The following NAV3 variants were observed in gnomAD, a reference collection of about 807,000 sequenced individuals.
NAV3 encodes neuron navigator 3.
A neutral mutation model predicts 244.7 loss-of-function variants in NAV3; 87 were observed. The ratio of observed to expected loss-of-function variants is 0.36; its 90% CI spans 0.30 to 0.42. NAV3 has a LOEUF of 0.42. Ranked by LOEUF, NAV3 falls within the 20% of genes least tolerant of loss-of-function variation. The pLI, the probability that NAV3 is intolerant of heterozygous loss-of-function variation, is 1.00. For synonymous variants in NAV3, 1,126 were observed against 1,042.2 expected (o/e 1.08, Z -1.55); for missense variants, 2,663 against 2,893.3 (o/e 0.92, Z 1.83).
intron 2 of NAV3, among the ~76,000 whole-genome samples, chr12:77,626,265 A>T (rs1871616352): frequency 6.6e-6 from 1 of 151,966 alleles, no homozygotes; most frequent in African/African-American, 2.4e-5. Context: ...AAAAAAAGGT[A>T]AAAGAGTATG....
intron 4 of NAV3, among the ~76,000 whole-genome samples, chr12:77,967,305 A>C (rs543415507): frequency 2.0e-5 from 3 of 152,112 alleles, no homozygotes; most frequent in Non-Finnish European, 4.4e-5. Context: ...ATAAAACAAT[A>C]ATTTTTTAAA....
intron 11 of NAV3, among the ~76,000 whole-genome samples, chr12:78,056,866 A>C (rs921574298): frequency 6.6e-6 from 1 of 152,232 alleles, no homozygotes; most frequent in African/African-American, 2.4e-5. Flanking sequence ...GAAGATGTTT[A>C]ATTTAGGATT....
At chr12:77,771,788 G>A (rs1038084596) in intron 2 of NAV3, among the ~76,000 whole-genome samples, 1 of 152,078 alleles carries the variant, frequency 6.6e-6, no homozygotes, top group African/African-American at 2.4e-5. Flanking sequence ...GGGAGGGATA[G>A]CATTAGGAGA....
chr12:77,817,698 T>G (rs1872574678), intron 2 of NAV3, among the ~76,000 whole-genome samples: 1 of 152,180 alleles, frequency 6.6e-6, no homozygotes, highest in Non-Finnish European at 1.5e-5. Context: ...ATTATTTTTC[T>G]TGTTTATGTA....
chr12:77,759,056 G>A (rs1371179133), intron 2 of NAV3, among the ~76,000 whole-genome samples: 1 of 152,190 alleles, frequency 6.6e-6, no homozygotes, highest in Admixed American at 6.5e-5. Flanking sequence ...GTGGCTAGCA[G>A]CTGCCACATT....
chr12:78,188,162 C>G, intron 31 of NAV3, 86 bp from the exon 32 acceptor site: 1 of 1,003,452 alleles, frequency 1.0e-6, no homozygotes, highest in Non-Finnish European at 1.5e-6. Flanking sequence ...TTAACAACAA[C>G]TACATTAACT....
At chr12:77,796,745 T>C (rs1871424519) in intron 2 of NAV3, among the ~76,000 whole-genome samples, 3 of 152,174 alleles carry the variant, frequency 2.0e-5, no homozygotes, top group Non-Finnish European at 2.9e-5. Context: ...TCAGTGGCAG[T>C]CAATACTGAG....
chr12:78,007,977 C>T lies in NAV3; in HGVS notation c.1907+532C>T, dbSNP rs578067079. On this transcript the variant is annotated intron_variant, in intron 8 of 39. Coordinates refer to ENST00000397909, the MANE Select transcript of NAV3 (RefSeq NM_001024383.2). ...ACTTAACATTCTTTAGTCTCATTTT[C>T]TTCAGCTGTCAAATAGGAACCATGC... Among the ~76,000 whole-genome samples the T allele has an allele frequency of 2.6e-5, 4 of 152,256 alleles. No individual in the cohort carries two copies. In the East Asian group the frequency reaches 7.7e-4, roughly 29 times the overall value.
At chr12:77,926,725 A>G (rs938893024) in intron 1 of NAV3, among the ~76,000 whole-genome samples, 3 of 152,184 alleles carry the variant, frequency 2.0e-5, no homozygotes, top group South Asian at 2.1e-4. Flanking sequence ...CTCGGATTCA[A>G]TAGATCTAGG....
At chr12:78,162,306 G>A (rs902692060) in intron 23 of NAV3, among the ~76,000 whole-genome samples, 3 of 151,984 alleles carry the variant, frequency 2.0e-5, no homozygotes, top group Admixed American at 2.0e-4. Context: ...CAAGTTATAA[G>A]TTTCATTTGT....
intron 1 of NAV3, among the ~76,000 whole-genome samples, chr12:77,834,007 T>C (rs901322553): frequency 2.6e-5 from 4 of 151,868 alleles, no homozygotes; most frequent in Non-Finnish European, 4.4e-5. Context: ...GTCCAGCCGC[T>C]TGTGTGTTCT....
chr12:77,594,760 C>T (rs143690766), intron 2 of NAV3, among the ~76,000 whole-genome samples: 1 of 152,294 alleles, frequency 6.6e-6, no homozygotes, highest in East Asian at 1.9e-4. Context: ...CATTTTACTT[C>T]ATAGAATTTG....
chr12:78,047,791 C>T (rs1882081568), intron 9 of NAV3, among the ~76,000 whole-genome samples: 1 of 152,174 alleles, frequency 6.6e-6, no homozygotes. Flanking sequence ...GGATAATATC[C>T]TGAAGAGTGT....
At chr12:78,094,310 G>C (rs141719377) in intron 12 of NAV3, among the ~76,000 whole-genome samples, 60 of 152,276 alleles carry the variant, frequency 3.9e-4, no homozygotes, top group African/African-American at 1.3e-3. Flanking sequence ...TATACCAAAA[G>C]ACACCTAGAA....
chr12:77,607,165 A>G (rs1017860950), intron 2 of NAV3, among the ~76,000 whole-genome samples: 1 of 152,078 alleles, frequency 6.6e-6, no homozygotes, highest in Non-Finnish European at 1.5e-5. Context: ...ACTCTCACAC[A>G]TTTATGTAAG....
chr12:78,043,983 T>C (rs1881325426), intron 9 of NAV3, among the ~76,000 whole-genome samples: 1 of 152,220 alleles, frequency 6.6e-6, no homozygotes, highest in South Asian at 2.1e-4. Context: ...GCTTTTGGTG[T>C]TTTACTCATG....
chr12:78,175,246 C>G (rs1370064965), intron 24 of NAV3, 60 bp from the exon 25 acceptor site: 2 of 1,574,218 alleles, frequency 1.3e-6, no homozygotes, highest in Non-Finnish European at 1.7e-6. Context: ...ACCTAAAAGA[C>G]TTATTTGTTC....
At chr12:77,739,688 T>C (rs1031960927) in intron 2 of NAV3, among the ~76,000 whole-genome samples, 4 of 152,186 alleles carry the variant, frequency 2.6e-5, no homozygotes, top group Non-Finnish European at 5.9e-5. Flanking sequence ...TTTAAAATTT[T>C]ATGAAAATAA....
intron 1 of NAV3, among the ~76,000 whole-genome samples, chr12:77,938,131 A>G (rs761450033): frequency 5.3e-5 from 8 of 152,130 alleles, no homozygotes; most frequent in Non-Finnish European, 8.8e-5. Context: ...CTATGGACAG[A>G]TCGGCACAAC....
Sources: allele counts gnomAD v4.1 joint callset (sites outside exome capture counted in the v4.1 genomes callset), GRCh38; gene constraint gnomAD v4.1.1; transcripts MANE v1.5; gene names NCBI Gene and HGNC (gene_info 2026-07-23, HGNC 2026-07-21).